TTC39B: variants seen among roughly 807,000 people sequenced by gnomAD.
TTC39B encodes the protein tetratricopeptide repeat protein 39B.
Under a neutral mutation model 96.6 loss-of-function variants are expected in TTC39B, and 92 were observed. The observed-to-expected ratio is 0.95, with a 90% confidence interval of 0.80 to 1.13. The LOEUF is 1.13. Ranked by LOEUF, TTC39B falls within the 50% of genes most tolerant of loss-of-function variation. TTC39B has a pLI of 0.00. For synonymous variants in TTC39B, 367 were observed against 299.4 expected, an observed-to-expected ratio of 1.23 and a Z score of -2.33; for missense variants, 955 against 809.3, an observed-to-expected ratio of 1.18 and a Z score of -2.18.
At chr9:15,269,797 G>T (rs1001094455) in intron 1 of TTC39B, among the ~76,000 whole-genome samples, 1 of 149,498 alleles carries the variant, frequency 6.7e-6, no homozygotes, top group East Asian at 1.9e-4. Context: ...GGACGTTACA[G>T]TGAGCCGAGA....
chr9:15,296,396 T>C (rs960917148), intron 1 of TTC39B, among the ~76,000 whole-genome samples: 1 of 152,034 alleles, frequency 6.6e-6, no homozygotes, highest in African/African-American at 2.4e-5. Context: ...ACCAAACAAA[T>C]GGAAATCATT....
At chr9:15,204,341 C>T (rs1819720867) in intron 6 of TTC39B, among the ~76,000 whole-genome samples, 1 of 151,970 alleles carries the variant, frequency 6.6e-6, no homozygotes, top group South Asian at 2.1e-4. Flanking sequence ...CCAGCCTGAC[C>T]AACAGGCAGA....
intron 3 of TTC39B, 70 bp downstream of exon 3, chr9:15,225,847 G>C (rs1821091778): frequency 1.4e-6 from 2 of 1,407,194 alleles, no homozygotes; most frequent in African/African-American, 1.4e-5. Flanking sequence ...GCAAATATCA[G>C]TATTATATTC....
chr9:15,220,594 A>T (rs1341387612), intron 3 of TTC39B, among the ~76,000 whole-genome samples: 2 of 152,220 alleles, frequency 1.3e-5, no homozygotes, highest in African/African-American at 4.8e-5. Flanking sequence ...AATAAAAGGA[A>T]TGATATAAAT....
intron 1 of TTC39B, among the ~76,000 whole-genome samples, chr9:15,287,689 A>G (rs1216357902): frequency 1.3e-5 from 2 of 151,306 alleles, no homozygotes; most frequent in South Asian, 2.1e-4. Context: ...ACCTTTAGGG[A>G]AAAAAAAATG....
chr9:15,200,941 G>A (rs969630899), intron 7 of TTC39B, among the ~76,000 whole-genome samples: 1 of 152,206 alleles, frequency 6.6e-6, no homozygotes, highest in Non-Finnish European at 1.5e-5. Context: ...GGAGGTTGCA[G>A]TGAGCCAAGA....
chr9:15,217,397 C>G (rs937860304), intron 3 of TTC39B, among the ~76,000 whole-genome samples: 15 of 152,128 alleles, frequency 9.9e-5, no homozygotes, highest in Admixed American at 1.3e-4. Flanking sequence ...GGAGGATACA[C>G]TATACACACC....
intron 1 of TTC39B, among the ~76,000 whole-genome samples, chr9:15,269,203 C>A (rs939141572): frequency 6.6e-6 from 1 of 152,212 alleles, no homozygotes; most frequent in African/African-American, 2.4e-5. Context: ...ACATAAAGTT[C>A]CTCATCATTT....
At chr9:15,272,179 G>A (rs986812411) in intron 1 of TTC39B, among the ~76,000 whole-genome samples, 2 of 152,160 alleles carry the variant, frequency 1.3e-5, no homozygotes, top group African/African-American at 4.8e-5. Flanking sequence ...ATTCCCATCA[G>A]GGCCCCTAGG....
At chr9:15,288,533 T>C (rs1026127880) in intron 1 of TTC39B, among the ~76,000 whole-genome samples, 1 of 152,100 alleles carries the variant, frequency 6.6e-6, no homozygotes, top group African/African-American at 2.4e-5. Flanking sequence ...ATCTTCCCAC[T>C]CCATCCCCCT....
At chr9:15,254,290 T>G (rs1822669604) in intron 2 of TTC39B, among the ~76,000 whole-genome samples, 1 of 152,194 alleles carries the variant, frequency 6.6e-6, no homozygotes, top group South Asian at 2.1e-4. Context: ...GTTAGATTTT[T>G]TTTAATGTGT....
At chr9:15,215,263 G>T in intron 3 of TTC39B, among the ~76,000 whole-genome samples, 1 of 151,712 alleles carries the variant, frequency 6.6e-6, no homozygotes, top group Non-Finnish European at 1.5e-5. Flanking sequence ...ATAAAATGAG[G>T]CTGGGTGTGG....
chr9:15,225,804 G>T (rs896806135), intron 3 of TTC39B, 113 bp downstream of exon 3: 1 of 903,192 alleles, frequency 1.1e-6, no homozygotes, highest in Non-Finnish European at 1.6e-6. Flanking sequence ...GGCCTCTCCT[G>T]ACCTCATTGG....
chr9:15,196,423 C>G (rs1467055526), intron 8 of TTC39B, among the ~76,000 whole-genome samples: 1 of 152,174 alleles, frequency 6.6e-6, no homozygotes, highest in Non-Finnish European at 1.5e-5. Context: ...GGAAGGAAGT[C>G]AAAATGTCCA....
chr9:15,204,114 T>C (rs1314205325), intron 6 of TTC39B, among the ~76,000 whole-genome samples: 1 of 152,212 alleles, frequency 6.6e-6, no homozygotes, highest in African/African-American at 2.4e-5. Context: ...CCCATTCAAA[T>C]GTAACTGCAA....
In TTC39B at chr9:15,190,650, G is replaced by A. The variant is rs574634779; in HGVS notation, c.1009C>T (p.Leu337=). The A allele has an allele frequency of 6.2e-6, 10 of 1,613,962 alleles. No homozygotes were observed. The African/African-American group carries it at 8.0e-5, about 13-fold the overall frequency. Residue 337 remains leucine, a synonymous_variant, in exon 11 of 20, where the codon CTG becomes TTG. Transcript: ENST00000512701. ...CCTGAAGCACCTTCACGTAACTGCA[G>A]GAGGCCCAACTCCTATGGGAATTAA... is the stretch of plus-strand genomic sequence containing the variant.
Position 15,185,266 on chromosome 9 carries a change from A to C in TTC39B, c.1614+14T>G, listed in dbSNP as rs541216417. ...TTTATTTCTAGTACATGAAAAGAAA[A>C]TAAAAGCAGATACCAGGGCAGGTAA... On this transcript the variant is annotated intron_variant, in intron 16 of 19. Coordinates refer to ENST00000512701, the Ensembl canonical transcript of TTC39B. 1.0e-4 allele frequency: 165 copies of C among 1,598,588 alleles called. 1 individual carries two copies. In the South Asian group the frequency reaches 1.7e-3, roughly 17 times the overall value.
At chr9:15,281,038 G>C (rs1218999270) in intron 1 of TTC39B, among the ~76,000 whole-genome samples, 1 of 147,730 alleles carries the variant, frequency 6.8e-6, no homozygotes, top group Non-Finnish European at 1.5e-5. Flanking sequence ...CTTTTTTTTT[G>C]TTTAAATCAT....
At chr9:15,177,215 C>A (rs1817988771) in intron 18 of TTC39B, among the ~76,000 whole-genome samples, 1 of 152,016 alleles carries the variant, frequency 6.6e-6, no homozygotes, top group Non-Finnish European at 1.5e-5. Context: ...CACTTGTAGT[C>A]CCAGCTACTC....
Sources: gnomAD v4.1 joint callset for allele counts (sites outside exome capture counted in the v4.1 genomes callset) on GRCh38, gnomAD v4.1.1 for gene constraint, MANE v1.5 for transcripts, NCBI Gene and HGNC (gene_info 2026-07-23, HGNC 2026-07-21) for gene names.